The following TRPM2 variants were observed in gnomAD, a reference collection of about 807,000 sequenced individuals.
TRPM2 encodes the protein transient receptor potential cation channel subfamily M member 2, also known as estrogen-responsive element-associated gene 1 protein.
A neutral mutation model predicts 174.0 loss-of-function variants in TRPM2; 161 were observed. The ratio of observed to expected loss-of-function variants is 0.93; its 90% CI spans 0.81 to 1.05. TRPM2 has a LOEUF of 1.05. Among genes scored for constraint, TRPM2 ranks in the 50% least tolerant of loss-of-function variants. The pLI, the probability that TRPM2 is intolerant of heterozygous loss-of-function variation, is 0.00. For missense variants in TRPM2, 2,057 were observed against 2,038.0 expected (o/e 1.01, Z -0.18); for synonymous variants, 954 against 861.3 (o/e 1.11, Z -1.88).
chr21:44,364,388 G>A (rs2276252), intron 3 of TRPM2, 106 bp downstream of exon 3: 276,831 of 1,397,304 alleles, frequency 0.2, 28,467 homozygotes, highest in Non-Finnish European at 0.21. Flanking sequence ...GGCTGGCAAA[G>A]CTCCAGGGTG....
Position 44,377,718 on chromosome 21 carries a change from C to A in TRPM2, c.959C>A (p.Ala320Asp), listed in dbSNP as rs540185220. 8.1e-6 allele frequency: 13 copies of A among 1,614,120 alleles called. No homozygotes were observed. Among genetic ancestry groups the A allele is most frequent in the Admixed American group, 3.3e-5 (2 of 60,026 alleles). ...SEQTKERGGV[A>D]IKIPIVCVVL... is the part of the protein sequence containing the mutation. ...GGCTGTGTGCTTTTTCTAGGTGTGG[C>A]CATCAAGATCCCCATCGTGTGCGTG... Residue 320 changes from alanine (A) to aspartate (D), a missense_variant, in exon 7 of 32, where the codon GCC becomes GAC. By Grantham distance (126) the Ala-to-Asp change is moderately radical. Transcript: ENST00000397928.
chr21:44,425,902 C>T, intron 25 of TRPM2, 75 bp downstream of exon 25: 1 of 1,407,864 alleles, frequency 7.1e-7, no homozygotes. Context: ...TGTCCCCATC[C>T]ATCTGGTATT....
At chr21:44,351,209 C>T (rs1322488085), upstream of TRPM2, among the ~76,000 whole-genome samples, 4 of 152,158 alleles carry the variant, frequency 2.6e-5, no homozygotes, top group East Asian at 5.8e-4. Context: ...GTCCTGGGCT[C>T]GCGTGCCAAC....
chr21:44,355,150 T>G (rs563728812), intron 2 of TRPM2, among the ~76,000 whole-genome samples: 7 of 152,046 alleles, frequency 4.6e-5, no homozygotes, highest in African/African-American at 1.7e-4. Flanking sequence ...ACTGCCCCCC[T>G]GCACAGCTTG....
intron 28 of TRPM2, 120 bp downstream of exon 28, chr21:44,435,337 T>A: frequency 2.0e-6 from 2 of 1,023,606 alleles, no homozygotes; most frequent in Non-Finnish European, 1.4e-6. Context: ...GCTTGGCACT[T>A]GGTGCCTACT....
At position 44,441,709 on chromosome 21, in the gene TRPM2, C is replaced by T. The variant is rs1302897456; in HGVS notation, c.4404C>T (p.Asp1468=). The T allele has an allele frequency of 2.5e-6, 4 of 1,611,380 alleles. No homozygotes were observed. Among genetic ancestry groups the T allele is most frequent in the Middle Eastern group, 1.7e-4 (1 of 6,048 alleles). The change falls in exon 32 of 32, where the codon GAC becomes GAT. Residue 1468 remains aspartate (D), a synonymous_variant. Transcript: ENST00000397928. The part of the protein sequence containing the change: ...NRLNSNLHAC[D]SGASIRWQVV... ...TCTTCCAGAACCTGCACGCCTGCGA[C>T]TCGGGGGCCTCCATCCGATGGCAGG...
intron 31 of TRPM2, 63 bp downstream of exon 31, chr21:44,440,968 C>G: frequency 1.4e-6 from 2 of 1,442,700 alleles, no homozygotes; most frequent in Non-Finnish European, 1.9e-6. Context: ...GGCGTGGCCT[C>G]CGGGGAGGGG....
Position 44,362,394 on chromosome 21 carries a change from C to T in TRPM2, c.255-1720C>T, listed in dbSNP as rs1470846808. ...AGATGTGGTGATGGCCGCCTGTGGTCGCAGCTACTTGGGAGGTTGAGGTGG... is the reference window on the plus strand; with the variant it reads ...AGATGTGGTGATGGCCGCCTGTGGTTGCAGCTACTTGGGAGGTTGAGGTGG... On this transcript the variant is annotated intron_variant, in intron 2 of 31. Transcript: ENST00000397928. Among the ~76,000 whole-genome samples, 6 of 148,966 alleles carry T rather than the reference C, an allele frequency of 4.0e-5. 1 individual carries two copies. The highest frequency in any genetic ancestry group is 9.9e-5 in the African/African-American group (4 of 40,224).
intron 9 of TRPM2, among the ~76,000 whole-genome samples, chr21:44,384,160 G>T (rs934497409): frequency 3.3e-5 from 5 of 152,182 alleles, no homozygotes; most frequent in African/African-American, 4.8e-5. Flanking sequence ...AATTAGAAAT[G>T]AAAGTAGGGA....
In TRPM2 at chr21:44,441,788, G is replaced by A; in HGVS notation, c.4483G>A (p.Ala1495Thr). The A allele has an allele frequency of 1.2e-6, 2 of 1,610,242 alleles. No homozygotes were observed. The highest frequency in any genetic ancestry group is 8.5e-7 in the Non-Finnish European group (1 of 1,178,352). The change falls in exon 32 of 32, where the codon GCA becomes ACA. Residue 1495 changes from alanine (A) to threonine (T), a missense_variant. Ala to Thr is a moderately conservative substitution (Grantham distance 58). Coordinates refer to ENST00000397928, the MANE Select transcript of TRPM2 (RefSeq NM_003307.4). ...GAACCACAAGACCCTCCTCCAGAAG[G>A]CAGCCGCTGAGTTCGGGGCTCACTA... ...YANHKTLLQK[A>T]AAEFGAHY
At chr21:44,370,050 G>T (rs1310070573) in intron 5 of TRPM2, among the ~76,000 whole-genome samples, 1 of 152,046 alleles carries the variant, frequency 6.6e-6, no homozygotes, top group Non-Finnish European at 1.5e-5. Flanking sequence ...CAGGAGATTG[G>T]GTGCAACTCC....
At position 44,401,687 on chromosome 21, in the gene TRPM2, G is replaced by T. The variant is rs868608898; in HGVS notation, c.2328G>T (p.Lys776Asn). 1.2e-6 allele frequency: 2 copies of T among 1,612,676 alleles called. No individual in the cohort carries two copies. The highest frequency in any genetic ancestry group is 3.3e-4 in the Middle Eastern group (2 of 6,062). Residue 776 changes from lysine (K) to asparagine (N), a missense_variant, in exon 16 of 32, where the codon AAG (lysine) becomes AAT (asparagine). Physicochemically the swap from Lys to Asn is moderately conservative, Grantham distance 94. Transcript: ENST00000397928. The part of the protein sequence containing the change: ...LLTGLISFRE[K>N]RLQDVGTPAA... ...TCTGCTGTGACGGCCGCAGGGAGAA[G>T]AGGCTGCAGGATGTGGGCACCCCCG...
chr21:44,375,934 C>A lies in TRPM2; in HGVS notation c.873C>A (p.Thr291=), dbSNP rs753312448. Residue 291 remains threonine (T), a synonymous_variant, in exon 6 of 32, where the codon ACC becomes ACA. Coordinates refer to ENST00000397928, the MANE Select transcript of TRPM2 (RefSeq NM_003307.4). ...ACTTCATCCTCGTGGACGACGGGAC[C>A]CACGGCCAGTACGGGGTGGAGATTC... is the stretch of plus-strand genomic sequence containing the variant. ...HSHFILVDDG[T]HGQYGVEIPL... 2 of 1,614,100 alleles carry A rather than the reference C, an allele frequency of 1.2e-6. No individual in the cohort carries two copies. Among genetic ancestry groups the A allele is most frequent in the Non-Finnish European group, 1.7e-6 (2 of 1,180,020 alleles).
At chr21:44,359,893 G>A (rs990819741) in intron 2 of TRPM2, among the ~76,000 whole-genome samples, 1 of 151,840 alleles carries the variant, frequency 6.6e-6, no homozygotes, top group Non-Finnish European at 1.5e-5. Context: ...GACTACAGCT[G>A]TGCACCATCA....
In TRPM2 at chr21:44,425,417, T is replaced by A. The variant is rs1253373321; in HGVS notation, c.3638-253T>A. ...TAACCGCACTGCGAGTTCAGCTCAT[T>A]GCCGAGGGCCCTGACTGCCGCTGCA... On this transcript the variant is annotated intron_variant, in intron 24 of 31. Transcript: ENST00000397928. 1.1e-5 allele frequency: 5 copies of A among 445,262 alleles called. No homozygotes were observed. The Admixed American group carries it at 1.9e-4, about 17-fold the overall frequency. The allele number at this position is 445,262 out of a possible 1,614,324, so 27.6% of individuals were successfully genotyped here.
intron 8 of TRPM2, among the ~76,000 whole-genome samples, chr21:44,380,915 A>G (rs942319969): frequency 2.6e-5 from 4 of 152,076 alleles, no homozygotes; most frequent in Non-Finnish European, 5.9e-5. Flanking sequence ...GCTTCACCCT[A>G]TGAGGACAGG....
intron 11 of TRPM2, 107 bp from the exon 12 acceptor site, chr21:44,395,307 C>T: frequency 7.3e-7 from 1 of 1,379,136 alleles, no homozygotes. Flanking sequence ...ACAGTGAGAT[C>T]CTGAGAAGGT....
Position 44,403,575 on chromosome 21 carries a change from CACAT to C in TRPM2, c.2539-1562_2539-1559del, listed in dbSNP as rs1000949625. Among the ~76,000 whole-genome samples, 849 of 151,882 alleles carry C rather than the reference CACAT, an allele frequency of 5.6e-3. 8 individuals are homozygous for C. The highest frequency in any genetic ancestry group is 0.02 in the African/African-American group (822 of 41,414). ...ACACATACATACATGCATATGTACA[CACAT>C]ACATGCACACACATGCACACAGTAC... is the stretch of plus-strand genomic sequence containing the variant. On this transcript the variant is annotated intron_variant, in intron 16 of 31. Coordinates refer to ENST00000397928, the MANE Select transcript of TRPM2 (RefSeq NM_003307.4).
rs2051078664 is a variant in TRPM2, at chr21:44,432,932, G to A, written c.3975-2199G>A. On this transcript the variant is annotated intron_variant, in intron 27 of 31. Transcript: ENST00000397928. This position sits in a 1 kb window ranked among gnomAD's most constrained non-coding sequence, Gnocchi z 4.9. ...GCCTTGATGTCGTGATGGAACTACC[G>A]GGCACGTGGCAGGGAGATGAGGGGT... Among the ~76,000 whole-genome samples the A allele has an allele frequency of 2.0e-5, 3 of 152,118 alleles. No homozygotes were observed. Among genetic ancestry groups the A allele is most frequent in the Admixed American group, 2.0e-4 (3 of 15,264 alleles).
Sources: gnomAD v4.1 joint callset for allele counts (sites outside exome capture counted in the v4.1 genomes callset) on GRCh38, gnomAD v4.1.1 for gene constraint, Gnocchi (gnomAD v3.1) non-coding constraint, MANE v1.5 for transcripts, NCBI Gene and HGNC (gene_info 2026-07-23, HGNC 2026-07-21) for gene names.